The following NDUFS3 variants were observed in gnomAD, a reference collection of about 807,000 sequenced individuals.
NDUFS3 encodes the protein NADH dehydrogenase [ubiquinone] iron-sulfur protein 3, mitochondrial.
Under a neutral mutation model 30.8 loss-of-function variants are expected in NDUFS3, and 19 were observed. The ratio of observed to expected loss-of-function variants is 0.62; its 90% CI spans 0.43 to 0.91. NDUFS3 has a LOEUF of 0.91. Ranked by LOEUF, NDUFS3 falls within the 40% of genes least tolerant of loss-of-function variation. NDUFS3 has a pLI of 0.00. For synonymous variants in NDUFS3, 153 were observed against 135.8 expected (o/e 1.13, Z -0.88); for missense variants, 331 against 342.0 (o/e 0.97, Z 0.25).
chr11:47,582,888 T>C (rs1164308947), intron 6 of NDUFS3, among the ~76,000 whole-genome samples: 1 of 152,040 alleles, frequency 6.6e-6, no homozygotes. Context: ...TCCTGGCTGC[T>C]CAAGAGGCTG....
At position 47,579,111 on chromosome 11, in the gene NDUFS3, C is replaced by A; in HGVS notation, c.20C>A (p.Ala7Asp). The change falls in exon 1 of 7, where the codon GCC (alanine) becomes GAC (aspartate). Residue 7 changes from alanine (A) to aspartate (D), a missense_variant. Transcript: ENST00000263774. MAAAAV[A>D]RLWWRGILGA... ...AGTAACATGGCGGCGGCGGCGGTAGCCAGGCTGTGGTGGCGCGGGATCTTG... is the reference window on the plus strand; with the variant it reads ...AGTAACATGGCGGCGGCGGCGGTAGACAGGCTGTGGTGGCGCGGGATCTTG... 1 of 1,582,752 alleles carries A rather than the reference C, an allele frequency of 6.3e-7. No individual in the cohort carries two copies. Among genetic ancestry groups the A allele is most frequent in the Non-Finnish European group, 8.6e-7 (1 of 1,166,086 alleles).
intron 5 of NDUFS3, 63 bp downstream of exon 5, chr11:47,582,276 G>A (rs1050853367): frequency 1.5e-5 from 24 of 1,614,052 alleles, no homozygotes; most frequent in Middle Eastern, 3.3e-4. Context: ...TTCAGACTAC[G>A]GGATGCAGTG....
In NDUFS3 at chr11:47,582,224, G is replaced by C. The variant is rs371375887; in HGVS notation, c.507+11G>C. 6.2e-6 allele frequency: 10 copies of C among 1,614,070 alleles called. No individual in the cohort carries two copies. Among genetic ancestry groups the C allele is most frequent in the Non-Finnish European group, 7.6e-6 (9 of 1,180,050 alleles). Reference sequence around the variant, plus strand: ...TGGTATGAAAGGGAGGTGAGTTACCGGATATGGTGGACCTGCCTCTGGGCC... The same window carrying C: ...TGGTATGAAAGGGAGGTGAGTTACCCGATATGGTGGACCTGCCTCTGGGCC... On this transcript the variant is annotated intron_variant, in intron 5 of 6. Coordinates refer to ENST00000263774, the MANE Select transcript of NDUFS3 (RefSeq NM_004551.3).
At chr11:47,581,711 A>C (rs939546323) in intron 4 of NDUFS3, 3 of 335,966 alleles carry the variant, frequency 8.9e-6, no homozygotes, top group South Asian at 2.5e-5. Flanking sequence ...AAAGACACCT[A>C]AACAGCTTAC....
chr11:47,581,231 G>T, intron 4 of NDUFS3: 1 of 473,474 alleles, frequency 2.1e-6, no homozygotes, highest in Non-Finnish European at 3.9e-6. Context: ...TTGGCTCACT[G>T]CAACCTCCGT....
rs2233352 is a variant in NDUFS3, at chr11:47,579,510, T to C, written c.133+176T>C. On this transcript the variant is annotated intron_variant, in intron 2 of 6. Coordinates refer to ENST00000263774, the MANE Select transcript of NDUFS3 (RefSeq NM_004551.3). ...CCTCCCTGTGCCCTTAGGCCTGTTA[T>C]GGCCCTGATTGTTCCTTGTCCATTT... The C allele has an allele frequency of 1.4e-3, 1,013 of 707,152 alleles. 3 individuals are homozygous for C. In the African/African-American group the frequency reaches 0.015, roughly 10 times the overall value. The allele number at this position is 707,152 out of a possible 1,614,324, so 43.8% of individuals were successfully genotyped here.
chr11:47,580,890 T>C lies in NDUFS3; in HGVS notation c.287T>C (p.Val96Ala). ...VCIHPDGVIPVLTFLRDHTNA... is the reference protein window; with the variant it reads ...VCIHPDGVIPALTFLRDHTNA... ...ATCCATCCTGATGGCGTCATCCCAG[T>C]GCTGACTTTCCTCAGGGATCACACC... The change falls in exon 4 of 7, where the codon GTG (valine) becomes GCG (alanine). Residue 96 changes from valine to alanine, a missense_variant. Transcript: ENST00000263774. 1 of 1,614,226 alleles carries C rather than the reference T, an allele frequency of 6.2e-7. No homozygotes were observed.
Position 47,584,379 on chromosome 11 carries a change from CA to C in NDUFS3, c.696del (p.Lys232AsnfsTer4). ...CGGTGGAGTTGGCCCAAGAGTTCCG[CA>C]AATTTGACCTGAACAGCCCCTGGGA... ...EPVELAQEFRKFDLNSPWEAF... is the reference protein window; with the variant it reads ...EPVELAQEFRXFDLNSPWEAF... On this transcript the variant is annotated frameshift_variant, in exon 7 of 7. Transcript: ENST00000263774. LOFTEE classifies it high-confidence loss of function. 6.2e-7 allele frequency: 1 copy of C among 1,614,148 alleles called. No individual in the cohort carries two copies. The highest frequency in any genetic ancestry group is 1.1e-5 in the South Asian group (1 of 91,084).
At position 47,580,843 on chromosome 11, in the gene NDUFS3, C is replaced by T. The variant is rs1391709013; in HGVS notation, c.240C>T (p.Cys80=). 2 of 1,614,054 alleles carry T rather than the reference C, an allele frequency of 1.2e-6. No individual in the cohort carries two copies. The highest frequency in any genetic ancestry group is 1.7e-6 in the Non-Finnish European group (2 of 1,180,046). ...CACTTTCATGTGTGCAGGTGTCCTG[C>T]TTCAATGAGTTAGAGGTCTGTATCC... ...PKYVQQVQVS[C]FNELEVCIHP... The change falls in exon 4 of 7, where the codon TGC becomes TGT. Residue 80 remains cysteine, a synonymous_variant. Transcript: ENST00000263774.
At chr11:47,579,582 A>G in intron 2 of NDUFS3, 1 of 604,302 alleles carries the variant, frequency 1.7e-6, no homozygotes, top group Non-Finnish European at 2.9e-6. Flanking sequence ...CTTTGAAAGC[A>G]AGCAATATAA....
At chr11:47,581,144 C>A (rs1270604493) in intron 4 of NDUFS3, 160 bp downstream of exon 4, 5 of 814,156 alleles carry the variant, frequency 6.1e-6, no homozygotes, top group African/African-American at 1.7e-5. Flanking sequence ...TCAGATAACT[C>A]AAATATTTTG....
At position 47,579,134 on chromosome 11, in the gene NDUFS3, T is replaced by C. The variant is rs780719617; in HGVS notation, c.43T>C (p.Leu15=). 3.1e-6 allele frequency: 5 copies of C among 1,599,294 alleles called. No individual in the cohort carries two copies. In the Admixed American group the frequency reaches 5.2e-5, roughly 17 times the overall value. ...AGCCAGGCTGTGGTGGCGCGGGATCTTGGGGGCCTCGGCGCTGACCAGGGG... is the reference window on the plus strand; with the variant it reads ...AGCCAGGCTGTGGTGGCGCGGGATCCTGGGGGCCTCGGCGCTGACCAGGGG... ...AVARLWWRGI[L]GASALTRGTG... Residue 15 remains leucine, a synonymous_variant, in exon 1 of 7, where the codon TTG becomes CTG. Coordinates refer to ENST00000263774, the MANE Select transcript of NDUFS3 (RefSeq NM_004551.3).
Position 47,580,883 on chromosome 11 carries a change from A to G in NDUFS3, c.280A>G (p.Ile94Val), listed in dbSNP as rs1384430645. The G allele has an allele frequency of 6.2e-7, 1 of 1,614,204 alleles. No homozygotes were observed. Among genetic ancestry groups the G allele is most frequent in the Non-Finnish European group, 8.5e-7 (1 of 1,180,038 alleles). ...LEVCIHPDGV[I>V]PVLTFLRDHT... Reference sequence around the variant, plus strand: ...GGTCTGTATCCATCCTGATGGCGTCATCCCAGTGCTGACTTTCCTCAGGGA... The same window carrying G: ...GGTCTGTATCCATCCTGATGGCGTCGTCCCAGTGCTGACTTTCCTCAGGGA... Residue 94 changes from isoleucine (I) to valine (V), a missense_variant, in exon 4 of 7, where the codon ATC becomes GTC. Physicochemically the swap from Ile to Val is conservative, Grantham distance 29. Coordinates refer to ENST00000263774, the MANE Select transcript of NDUFS3 (RefSeq NM_004551.3).
chr11:47,583,901 C>A (rs1160699660), intron 6 of NDUFS3, among the ~76,000 whole-genome samples: 1 of 152,188 alleles, frequency 6.6e-6, no homozygotes, highest in Non-Finnish European at 1.5e-5. Context: ...GTGAATATGC[C>A]AAGGGCACCG....
chr11:47,582,625 C>T (rs748754368), intron 6 of NDUFS3, among the ~76,000 whole-genome samples, 157 bp downstream of exon 6: 2 of 152,142 alleles, frequency 1.3e-5, no homozygotes, highest in Non-Finnish European at 2.9e-5. Flanking sequence ...TAACCTGGGG[C>T]AAGTTACTTG....
intron 2 of NDUFS3, 119 bp from the exon 3 acceptor site, chr11:47,580,406 C>G: frequency 1.1e-6 from 1 of 934,430 alleles, no homozygotes; most frequent in Non-Finnish European, 1.7e-6. Context: ...ATGCACCTTT[C>G]TCAAGGTGCT....
Position 47,581,998 on chromosome 11 carries a change from A to T in NDUFS3, c.382-90A>T, listed in dbSNP as rs539268321. Reference sequence around the variant, plus strand: ...AGCATAGGAGAATCTTGAGGTTTTGAGGTTCAGAATAGAAGGCAGGGTCAC... The same window carrying T: ...AGCATAGGAGAATCTTGAGGTTTTGTGGTTCAGAATAGAAGGCAGGGTCAC... On this transcript the variant is annotated intron_variant, in intron 4 of 6. Coordinates refer to ENST00000263774, the MANE Select transcript of NDUFS3 (RefSeq NM_004551.3). 2.0e-6 allele frequency: 3 copies of T among 1,535,938 alleles called. No homozygotes were observed. The African/African-American group carries it at 4.1e-5, about 21-fold the overall frequency.
Position 47,582,484 on chromosome 11 carries a change from C to T in NDUFS3, c.627+16C>T, listed in dbSNP as rs531956905. On this transcript the variant is annotated intron_variant, in intron 6 of 6. Transcript: ENST00000263774. ...CTATGTTGAGGTAGGAGCCTTGGAA[C>T]TGGGACAGCAGCCTCAGGGAGGGAC... 6 of 1,613,968 alleles carry T rather than the reference C, an allele frequency of 3.7e-6. No individual in the cohort carries two copies. The highest frequency in any genetic ancestry group is 4.2e-6 in the Non-Finnish European group (5 of 1,180,028).
rs1352466508 is a variant in NDUFS3 at position 47,582,100 on chromosome 11, C to T, written c.394C>T (p.Leu132=). ...RQNRFEIVYN[L]LSLRFNSRIR... is the part of the protein sequence containing the mutation. ...CTGTTCTCCCTAGATTGTCTACAAC[C>T]TGTTGTCTCTGCGCTTCAACTCACG... Residue 132 remains leucine, a synonymous_variant, in exon 5 of 7, where the codon CTG becomes TTG. Coordinates refer to ENST00000263774, the MANE Select transcript of NDUFS3 (RefSeq NM_004551.3). 2 of 1,614,052 alleles carry T rather than the reference C, an allele frequency of 1.2e-6. No individual in the cohort carries two copies. The highest frequency in any genetic ancestry group is 2.2e-5 in the East Asian group (1 of 44,884).
Sources: gnomAD v4.1 joint callset for allele counts (sites outside exome capture counted in the v4.1 genomes callset) on GRCh38, gnomAD v4.1.1 for gene constraint, MANE v1.5 for transcripts, NCBI Gene and HGNC (gene_info 2026-07-23, HGNC 2026-07-21) for gene names.